The following HNF4G variants were observed in gnomAD, a reference collection of about 807,000 sequenced individuals.
HNF4G encodes hepatocyte nuclear factor 4 gamma, also known as hepatocyte nuclear factor 4-gamma.
In HNF4G, 21 loss-of-function variants were observed where a neutral mutation model predicts 50.9. The observed-to-expected ratio is 0.41, with a 90% CI of 0.29 to 0.59. HNF4G has a LOEUF of 0.59. Ranked by LOEUF, HNF4G falls within the 20% of genes least tolerant of loss-of-function variation. HNF4G has a pLI of 0.26. For missense variants in HNF4G, 527 were observed against 559.4 expected (o/e 0.94, Z 0.58); for synonymous variants, 198 against 185.6 (o/e 1.07, Z -0.54).
At chr8:75,548,430 A>C (rs1268914213) in intron 3 of HNF4G, among the ~76,000 whole-genome samples, 1 of 152,196 alleles carries the variant, frequency 6.6e-6, no homozygotes. Flanking sequence ...ACACTGTTCT[A>C]GGTGCTAAAG....
At position 75,559,030 on chromosome 8, in the gene HNF4G, A is replaced by C. The variant is rs1807220944; in HGVS notation, c.1116A>C (p.Leu372=). ...TTGACAATCTACTTCAGGAAATGCT[A>C]TTAGGTGGTGAGTACATTGAATAAT... ...VKIDNLLQEM[L]LGGASNDGSH... The change falls in exon 8 of 10, where the codon CTA becomes CTC. Residue 372 remains leucine (L), a synonymous_variant. Coordinates refer to ENST00000396423, the MANE Select transcript of HNF4G (RefSeq NM_004133.5). 2 of 1,529,500 alleles carry C rather than the reference A, an allele frequency of 1.3e-6. No homozygotes were observed. Among genetic ancestry groups the C allele is most frequent in the African/African-American group, 1.4e-5 (1 of 73,154 alleles). The allele number at this position is 1,529,500 out of a possible 1,614,324, so 94.7% of individuals were successfully genotyped here.
At chr8:75,440,140 T>G (rs1197377736) in intron 1 of HNF4G, among the ~76,000 whole-genome samples, 2 of 152,220 alleles carry the variant, frequency 1.3e-5, no homozygotes, top group Non-Finnish European at 2.9e-5. Context: ...TTTCTAGTCA[T>G]CAATGACATT....
intron 1 of HNF4G, among the ~76,000 whole-genome samples, chr8:75,430,947 G>A (rs1292682563): frequency 1.3e-5 from 2 of 152,040 alleles, no homozygotes; most frequent in African/African-American, 2.4e-5. Context: ...TACATATAAT[G>A]TTCAAAATAA....
rs935107396 is a variant in HNF4G, at chr8:75,566,562, A to C, written c.*2466A>C. 6.6e-6 allele frequency: 1 copy of C among 152,528 alleles called. No individual in the cohort carries two copies. The highest frequency in any genetic ancestry group is 1.5e-5 in the Non-Finnish European group (1 of 68,014). The allele number at this position is 152,528 out of a possible 1,614,324, so 9.4% of individuals were successfully genotyped here. ...ACTGCCATAGATGCTGGAAAAAAGG[A>C]ACTGATGTTTTCAGCATATTTTCAA... is the stretch of plus-strand genomic sequence containing the variant. On this transcript the variant is annotated 3_prime_UTR_variant, in exon 10 of 10. Transcript: ENST00000396423.
At chr8:75,416,800 T>G (rs1420797676) in intron 1 of HNF4G, among the ~76,000 whole-genome samples, 3 of 152,200 alleles carry the variant, frequency 2.0e-5, no homozygotes, top group Non-Finnish European at 4.4e-5. Context: ...TTTATGTTCA[T>G]ATTACTTAAT....
chr8:75,452,725 A>T (rs559492241), intron 1 of HNF4G, among the ~76,000 whole-genome samples: 2 of 152,272 alleles, frequency 1.3e-5, no homozygotes, highest in South Asian at 4.1e-4. Flanking sequence ...TCTCAAAAAA[A>T]AAAAAGAAAA....
intron 1 of HNF4G, among the ~76,000 whole-genome samples, chr8:75,415,909 C>A (rs1810622335): frequency 6.6e-6 from 1 of 152,072 alleles, no homozygotes; most frequent in African/African-American, 2.4e-5. Flanking sequence ...TGAGCTCTGG[C>A]AGGTGGTACA....
At chr8:75,503,572 T>C (rs1270376596) in intron 2 of HNF4G, among the ~76,000 whole-genome samples, 1 of 152,210 alleles carries the variant, frequency 6.6e-6, no homozygotes, top group Non-Finnish European at 1.5e-5. Flanking sequence ...GTTTGTGTTC[T>C]GAATAATTTG....
At chr8:75,481,308 T>C (rs1480975581) in intron 1 of HNF4G, among the ~76,000 whole-genome samples, 1 of 152,196 alleles carries the variant, frequency 6.6e-6, no homozygotes, top group Admixed American at 6.5e-5. Flanking sequence ...CATACAAATT[T>C]TGTGCTTTTC....
intron 1 of HNF4G, among the ~76,000 whole-genome samples, chr8:75,442,252 C>T (rs1811304929): frequency 6.6e-6 from 1 of 152,104 alleles, no homozygotes; most frequent in Non-Finnish European, 1.5e-5. Flanking sequence ...AATTACTGTT[C>T]ATTCTCTACT....
intron 2 of HNF4G, among the ~76,000 whole-genome samples, chr8:75,519,839 CGTGTGT>C (rs35154891): frequency 6.7e-6 from 1 of 149,818 alleles, no homozygotes; most frequent in Non-Finnish European, 1.5e-5. Flanking sequence ...TGCATGTGAG[CGTGTGT>C]GTGTGTGTGT....
intron 1 of HNF4G, among the ~76,000 whole-genome samples, chr8:75,469,615 A>T (rs2130628808): frequency 6.6e-6 from 1 of 152,250 alleles, no homozygotes; most frequent in Middle Eastern, 3.4e-3. Flanking sequence ...TGAGTCTGAG[A>T]CCTGTGTTTC....
intron 1 of HNF4G, among the ~76,000 whole-genome samples, chr8:75,417,958 T>C (rs1230557102): frequency 7.0e-6 from 1 of 142,166 alleles, no homozygotes; most frequent in Non-Finnish European, 1.5e-5. Flanking sequence ...TGTGTGTGTG[T>C]CTACACACAC....
chr8:75,534,680 C>T (rs773268013), intron 2 of HNF4G, among the ~76,000 whole-genome samples: 3 of 151,852 alleles, frequency 2.0e-5, no homozygotes, highest in Non-Finnish European at 4.4e-5. Context: ...TGCTATTTCA[C>T]AAGGTGCTTA....
chr8:75,497,215 G>A (rs1021373027), intron 2 of HNF4G, among the ~76,000 whole-genome samples: 3 of 152,000 alleles, frequency 2.0e-5, no homozygotes. Context: ...TTGTGTTTTT[G>A]GGTCATTAAA....
intron 2 of HNF4G, among the ~76,000 whole-genome samples, chr8:75,521,032 G>T (rs1372271225): frequency 6.6e-6 from 1 of 151,988 alleles, no homozygotes; most frequent in East Asian, 1.9e-4. Context: ...TTCTGCATTT[G>T]CATTTACTGT....
At chr8:75,548,132 G>T (rs2977935) in intron 3 of HNF4G, among the ~76,000 whole-genome samples, 31,527 of 151,488 alleles carry the variant, frequency 0.21, 3,473 homozygotes, top group African/African-American at 0.22. Context: ...CTACAGGTGC[G>T]CATCATCACG....
rs530449680 is a variant in HNF4G, at chr8:75,458,119, C to T, written c.-143-31970C>T. Reference sequence around the variant, plus strand: ...GCCAAACTTCAGTTATGTCTTAAGACTAGCCTGCTCACTGGTAGGTGGTTA... The same window carrying T: ...GCCAAACTTCAGTTATGTCTTAAGATTAGCCTGCTCACTGGTAGGTGGTTA... On this transcript the variant is annotated intron_variant, in intron 1 of 10. Coordinates refer to the HNF4G transcript ENST00000354370. Among the ~76,000 whole-genome samples the T allele has an allele frequency of 3.5e-4, 54 of 152,158 alleles. 1 individual carries two copies. Among genetic ancestry groups the T allele is most frequent in the Non-Finnish European group, 5.4e-4 (37 of 68,010 alleles).
chr8:75,478,291 G>C (rs565348130), intron 1 of HNF4G, among the ~76,000 whole-genome samples: 1 of 152,292 alleles, frequency 6.6e-6, no homozygotes, highest in Admixed American at 6.5e-5. Flanking sequence ...TCCAGCCTGA[G>C]TGACAAATGG....
Sources: allele counts gnomAD v4.1 joint callset (sites outside exome capture counted in the v4.1 genomes callset), GRCh38; gene constraint gnomAD v4.1.1; transcripts MANE v1.5; gene names NCBI Gene and HGNC (gene_info 2026-07-23, HGNC 2026-07-21).